The following SCRG1 variants were observed in gnomAD, a reference collection of about 807,000 sequenced individuals.
The protein encoded by SCRG1 is scrapie-responsive protein 1.
In SCRG1, 3 loss-of-function variants were observed where a neutral mutation model predicts 7.7. That is an observed-to-expected ratio of 0.39 (90% CI 0.18 to 1.01). The LOEUF is 1.01. Ranked by LOEUF, SCRG1 falls within the 50% of genes least tolerant of loss-of-function variation. The pLI is 0.36. For synonymous variants in SCRG1, 46 were observed against 41.2 expected (o/e 1.12, Z -0.44); for missense variants, 110 against 117.2 (o/e 0.94, Z 0.28).
intron 1 of SCRG1, among the ~76,000 whole-genome samples, chr4:173,391,773 A>T (rs1261149862): frequency 2.0e-5 from 3 of 152,198 alleles, no homozygotes; most frequent in Non-Finnish European, 4.4e-5. Flanking sequence ...ACAAAAAATT[A>T]AAAAATTAGC....
At chr4:173,477,362 G>GC in the SCRG1 span, among the ~76,000 whole-genome samples, 1 of 152,120 alleles carries the variant, frequency 6.6e-6, no homozygotes, top group African/African-American at 2.4e-5. Flanking sequence ...AATATCCATT[G>GC]CACCAGGAAC....
At chr4:173,478,119 T>C in the SCRG1 span, among the ~76,000 whole-genome samples, 1 of 152,144 alleles carries the variant, frequency 6.6e-6, no homozygotes, top group African/African-American at 2.4e-5. Flanking sequence ...TTTTAGTATC[T>C]GAAAATTAAA....
chr4:173,455,952 A>C, the SCRG1 span, among the ~76,000 whole-genome samples: 1 of 152,160 alleles, frequency 6.6e-6, no homozygotes, highest in African/African-American at 2.4e-5. Context: ...TTTCCCCAGG[A>C]GCATGGTAGG....
chr4:173,474,934 TC>T, the SCRG1 span, among the ~76,000 whole-genome samples: 1 of 151,672 alleles, frequency 6.6e-6, no homozygotes, highest in South Asian at 2.1e-4. Context: ...TCTCTCTCTC[TC>T]TTTTCCTCTG....
At chr4:173,484,819 AAT>A in the SCRG1 span, among the ~76,000 whole-genome samples, 1 of 81,592 alleles carries the variant, frequency 1.2e-5, no homozygotes. Flanking sequence ...TTATACATAT[AAT>A]ATATATTATA....
the SCRG1 span, among the ~76,000 whole-genome samples, chr4:173,435,504 G>A: frequency 6.6e-6 from 1 of 152,194 alleles, no homozygotes; most frequent in Non-Finnish European, 1.5e-5. Context: ...TCACTCATCA[G>A]TGATTTTCCC....
chr4:173,497,650 CA>C, the SCRG1 span, among the ~76,000 whole-genome samples: 2,257 of 103,828 alleles, frequency 0.022, 58 homozygotes, highest in African/African-American at 0.074. Context: ...AGCAAGCAAG[CA>C]AAAAAAAAAA....
the SCRG1 span, among the ~76,000 whole-genome samples, chr4:173,482,891 T>G: frequency 5.0e-5 from 7 of 140,182 alleles, no homozygotes; most frequent in East Asian, 6.0e-4. Flanking sequence ...TGTTATATAT[T>G]ATATATAATA....
At chr4:173,465,941 T>A in the SCRG1 span, among the ~76,000 whole-genome samples, 6 of 152,110 alleles carry the variant, frequency 3.9e-5, no homozygotes, top group African/African-American at 7.2e-5. Flanking sequence ...TCTTCCCAGG[T>A]ATGAAGGGAG....
At chr4:173,427,471 A>G in the SCRG1 span, among the ~76,000 whole-genome samples, 1 of 152,254 alleles carries the variant, frequency 6.6e-6, no homozygotes. Flanking sequence ...TAATTGTACA[A>G]TGACCAAAGA....
chr4:173,427,008 C>T, the SCRG1 span, among the ~76,000 whole-genome samples: 5 of 152,128 alleles, frequency 3.3e-5, no homozygotes, highest in African/African-American at 1.2e-4. Flanking sequence ...GTCTGTCTTC[C>T]CCTTTTTTAC....
the SCRG1 span, among the ~76,000 whole-genome samples, chr4:173,477,483 A>G: frequency 6.6e-6 from 1 of 152,222 alleles, no homozygotes; most frequent in African/African-American, 2.4e-5. Flanking sequence ...CACACACCCT[A>G]TGGAGAGCTG....
chr4:173,516,139 C>T, the SCRG1 span, among the ~76,000 whole-genome samples: 1 of 152,216 alleles, frequency 6.6e-6, no homozygotes, highest in African/African-American at 2.4e-5. Context: ...CTTCCGAGCA[C>T]TTCTCAAAGT....
chr4:173,393,002 A>C (rs574585309), intron 1 of SCRG1, among the ~76,000 whole-genome samples: 1 of 152,266 alleles, frequency 6.6e-6, no homozygotes, highest in East Asian at 1.9e-4. Context: ...GAGGCATGAC[A>C]ATGGCTTGAA....
the SCRG1 span, among the ~76,000 whole-genome samples, chr4:173,459,492 C>A: frequency 6.6e-6 from 1 of 152,130 alleles, no homozygotes; most frequent in Admixed American, 6.5e-5. Context: ...GAAAACTTAA[C>A]AACATGCTCC....
chr4:173,419,690 GC>G, the SCRG1 span: 3 of 832,138 alleles, frequency 3.6e-6, no homozygotes, highest in South Asian at 4.0e-5. Context: ...TCCCTTCGGG[GC>G]ACCAAACACT....
chr4:173,464,529 A>G, the SCRG1 span, among the ~76,000 whole-genome samples: 1 of 152,330 alleles, frequency 6.6e-6, no homozygotes, highest in East Asian at 1.9e-4. Context: ...TTAAAAGTAT[A>G]TAGGTGGGTG....
chr4:173,421,106 T>C, the SCRG1 span, among the ~76,000 whole-genome samples: 1 of 151,804 alleles, frequency 6.6e-6, no homozygotes, highest in Non-Finnish European at 1.5e-5. Flanking sequence ...ACCACAGATA[T>C]GGAGGTATAA....
At chr4:173,405,977 TG>T (rs1333877089) in intron 1 of SCRG1, among the ~76,000 whole-genome samples, 1 of 152,222 alleles carries the variant, frequency 6.6e-6, no homozygotes, top group Non-Finnish European at 1.5e-5. Context: ...TCCTCTCAGC[TG>T]ACAGAGCAAG....
Sources: allele counts gnomAD v4.1 joint callset (sites outside exome capture counted in the v4.1 genomes callset), GRCh38; gene constraint gnomAD v4.1.1; transcripts MANE v1.5; gene names NCBI Gene and HGNC (gene_info 2026-07-23, HGNC 2026-07-21).